Variants in NPAS3 observed in about 807,000 individuals in gnomAD.
The protein encoded by NPAS3 is neuronal PAS domain-containing protein 3.
A neutral mutation model predicts 73.1 loss-of-function variants in NPAS3; 14 were observed. That is an observed-to-expected ratio of 0.19 (90% CI 0.13 to 0.30). The LOEUF is 0.30. Ranked by LOEUF, NPAS3 falls within the 10% of genes least tolerant of loss-of-function variation. The probability of loss-of-function intolerance (pLI) is 1.00; values close to 1 mark genes in which losing one functional copy is unlikely to be tolerated. For synonymous variants in NPAS3, 620 were observed against 541.5 expected, an observed-to-expected ratio of 1.14 and a Z score of -2.01; for missense variants, 1,096 against 1,250.0, an observed-to-expected ratio of 0.88 and a Z score of 1.86.
At chr14:33,109,842 G>T (rs2042834821) in intron 2 of NPAS3, among the ~76,000 whole-genome samples, 1 of 112,824 alleles carries the variant, frequency 8.9e-6, no homozygotes, top group African/African-American at 3.4e-5. Context: ...TTTGAGACAA[G>T]GTCTCTCTCT....
At chr14:33,284,794 A>G (rs1033037151) in intron 3 of NPAS3, among the ~76,000 whole-genome samples, 3 of 151,450 alleles carry the variant, frequency 2.0e-5, no homozygotes, top group African/African-American at 7.3e-5. Context: ...CTATCTATCT[A>G]TCTATCTATC....
chr14:33,382,465 A>G (rs535215651), intron 4 of NPAS3, among the ~76,000 whole-genome samples: 7 of 152,266 alleles, frequency 4.6e-5, no homozygotes, highest in African/African-American at 1.7e-4. Flanking sequence ...TTATTTTGGC[A>G]TTTATGAGAT....
intron 4 of NPAS3, among the ~76,000 whole-genome samples, chr14:33,436,156 G>A (rs918901277): frequency 3.9e-5 from 6 of 152,220 alleles, no homozygotes; most frequent in African/African-American, 1.4e-4. Flanking sequence ...TGGAAAGAAA[G>A]CATGAAGAAT....
chr14:32,941,309 CTCCTTCCT>C (rs1226851739), intron 1 of NPAS3, among the ~76,000 whole-genome samples: 3 of 6,878 alleles, frequency 4.4e-4, no homozygotes, highest in East Asian at 2.5e-3. Flanking sequence ...CCCTCCCTCC[CTCCTTCCT>C]TCCTTCCTTC....
intron 1 of NPAS3, among the ~76,000 whole-genome samples, chr14:33,014,956 T>C (rs996381036): frequency 4.6e-5 from 7 of 152,124 alleles, no homozygotes; most frequent in Admixed American, 4.6e-4. Flanking sequence ...AGGTGCTGAG[T>C]TGTAGAGGAC....
chr14:33,463,861 A>G (rs974725889), intron 4 of NPAS3, among the ~76,000 whole-genome samples: 1 of 152,194 alleles, frequency 6.6e-6, no homozygotes, highest in Non-Finnish European at 1.5e-5. Flanking sequence ...CATTTAGAGT[A>G]ATGGGTTCTG....
intron 1 of NPAS3, among the ~76,000 whole-genome samples, chr14:33,055,600 A>G (rs1370690650): frequency 1.3e-5 from 2 of 152,182 alleles, no homozygotes; most frequent in Non-Finnish European, 2.9e-5. Flanking sequence ...AATCATGGGA[A>G]TTGAAGAGTG....
intron 3 of NPAS3, among the ~76,000 whole-genome samples, chr14:33,223,916 T>C (rs998344843): frequency 6.6e-6 from 1 of 152,154 alleles, no homozygotes; most frequent in Non-Finnish European, 1.5e-5. Flanking sequence ...GAGAGTAAGA[T>C]AGCACATAAT....
intron 5 of NPAS3, among the ~76,000 whole-genome samples, chr14:33,628,115 GGTTT>G (rs1459535532): frequency 6.6e-6 from 1 of 152,084 alleles, no homozygotes; most frequent in Admixed American, 6.5e-5. Flanking sequence ...TGGAAAAAAT[GGTTT>G]GTTATCTCTT....
intron 3 of NPAS3, among the ~76,000 whole-genome samples, chr14:33,284,872 T>C (rs907936558): frequency 1.3e-5 from 2 of 152,104 alleles, no homozygotes; most frequent in Non-Finnish European, 2.9e-5. Context: ...TTGCGGATGA[T>C]GAAGCCAACC....
intron 5 of NPAS3, among the ~76,000 whole-genome samples, chr14:33,652,246 A>C (rs2140236266): frequency 6.6e-6 from 1 of 152,196 alleles, no homozygotes; most frequent in Non-Finnish European, 1.5e-5. Flanking sequence ...CTTTGCTCTA[A>C]ATGGGAATAT....
At chr14:33,481,058 A>G (rs2051303135) in intron 4 of NPAS3, among the ~76,000 whole-genome samples, 1 of 152,158 alleles carries the variant, frequency 6.6e-6, no homozygotes, top group South Asian at 2.1e-4. Context: ...TCTCTGGCTA[A>G]TGCTGCCTTC....
At chr14:33,108,466 A>C (rs982251407) in intron 2 of NPAS3, among the ~76,000 whole-genome samples, 7 of 152,092 alleles carry the variant, frequency 4.6e-5, no homozygotes, top group Non-Finnish European at 1.0e-4. Context: ...TGCTGGGATT[A>C]CTGGCAAATA....
At chr14:33,512,324 T>G (rs2053092941) in intron 4 of NPAS3, among the ~76,000 whole-genome samples, 1 of 152,028 alleles carries the variant, frequency 6.6e-6, no homozygotes, top group Non-Finnish European at 1.5e-5. Flanking sequence ...GGCATGTTGT[T>G]TTCCTGCCAA....
chr14:33,413,443 C>G (rs548332842), intron 4 of NPAS3, among the ~76,000 whole-genome samples: 17 of 152,096 alleles, frequency 1.1e-4, no homozygotes, highest in African/African-American at 3.9e-4. Context: ...GGAACTGCAG[C>G]ATCCTCAGAT....
chr14:33,664,527 A>G (rs1370809414), intron 5 of NPAS3, among the ~76,000 whole-genome samples: 1 of 152,226 alleles, frequency 6.6e-6, no homozygotes, highest in East Asian at 1.9e-4. Flanking sequence ...ATGGGATCCA[A>G]TTAAACTAAA....
At chr14:33,504,868 A>G (rs773166593) in intron 4 of NPAS3, among the ~76,000 whole-genome samples, 5 of 152,168 alleles carry the variant, frequency 3.3e-5, no homozygotes, top group Non-Finnish European at 4.4e-5. Flanking sequence ...AGGAACACCC[A>G]GTAACCCAGA....
intron 2 of NPAS3, among the ~76,000 whole-genome samples, chr14:33,059,956 G>C (rs1237377687): frequency 6.6e-6 from 1 of 151,812 alleles, no homozygotes; most frequent in African/African-American, 2.4e-5. Context: ...TTTTTGTTTT[G>C]TTTTTAGTAG....
intron 2 of NPAS3, among the ~76,000 whole-genome samples, chr14:33,104,703 A>G (rs1219261612): frequency 1.3e-5 from 2 of 152,190 alleles, no homozygotes; most frequent in Non-Finnish European, 2.9e-5. Flanking sequence ...CGTAAGCCAC[A>G]TTAAGTTCAT....
Sources: allele counts gnomAD v4.1 joint callset (sites outside exome capture counted in the v4.1 genomes callset), GRCh38; gene constraint gnomAD v4.1.1; transcripts MANE v1.5; gene names NCBI Gene and HGNC (gene_info 2026-07-23, HGNC 2026-07-21).